The following TRPS1 variants were observed in gnomAD, a reference collection of about 807,000 sequenced individuals.
TRPS1 encodes zinc finger transcription factor Trps1.
A neutral mutation model predicts 101.2 loss-of-function variants in TRPS1; 6 were observed. That is an observed-to-expected ratio of 0.06 (90% CI 0.03 to 0.12). The LOEUF (loss-of-function observed/expected upper bound fraction) is 0.12. Among genes scored for constraint, TRPS1 ranks in the 10% least tolerant of loss-of-function variants. TRPS1 has a pLI of 1.00. For missense variants in TRPS1, 1,363 were observed against 1,567.0 expected, an observed-to-expected ratio of 0.87 and a Z score of 2.20; for synonymous variants, 578 against 589.8, an observed-to-expected ratio of 0.98 and a Z score of 0.29.
At chr8:115,568,780 T>C (rs1817133358) in intron 5 of TRPS1, among the ~76,000 whole-genome samples, 1 of 152,114 alleles carries the variant, frequency 6.6e-6, no homozygotes, top group Non-Finnish European at 1.5e-5. Context: ...CTAGCATGCA[T>C]CAATATCCTC....
chr8:115,603,971 T>A lies in TRPS1; in HGVS notation c.1998A>T (p.Gly666=). The A allele has an allele frequency of 1.2e-6, 2 of 1,613,992 alleles. No individual in the cohort carries two copies. The highest frequency in any genetic ancestry group is 1.7e-6 in the Non-Finnish European group (2 of 1,179,972). Residue 666 remains glycine, a synonymous_variant, in exon 4 of 7, where the codon GGA becomes GGT. Transcript: ENST00000395715. ...CCTTGACAGACTGCTGCCCATCCGATCCTTGCAGGTGATTTGCTTCTTGTT... is the reference window on the plus strand; with the variant it reads ...CCTTGACAGACTGCTGCCCATCCGAACCTTGCAGGTGATTTGCTTCTTGTT... ...DVKQEANHLQ[G]SDGQQSVKES... is the part of the protein sequence containing the mutation.
chr8:115,594,160 A>C (rs1327833397), intron 4 of TRPS1, among the ~76,000 whole-genome samples: 1 of 152,122 alleles, frequency 6.6e-6, no homozygotes, highest in African/African-American at 2.4e-5. Flanking sequence ...CCTATGAATA[A>C]ACCCTTCATT....
intron 5 of TRPS1, among the ~76,000 whole-genome samples, chr8:115,562,158 C>T (rs929163925): frequency 3.9e-5 from 6 of 152,022 alleles, no homozygotes; most frequent in Admixed American, 3.9e-4. Context: ...ACCCTCTTAA[C>T]AAACATTGTA....
intron 4 of TRPS1, among the ~76,000 whole-genome samples, chr8:115,589,918 A>G (rs1217997877): frequency 1.3e-5 from 2 of 152,152 alleles, no homozygotes; most frequent in Admixed American, 6.5e-5. Flanking sequence ...GAAGTTCGAG[A>G]CCAGCCTGAC....
intron 5 of TRPS1, among the ~76,000 whole-genome samples, chr8:115,428,979 A>C (rs189626361): frequency 6.6e-6 from 1 of 152,302 alleles, no homozygotes; most frequent in Admixed American, 6.5e-5. Flanking sequence ...TGAGCAGATA[A>C]TTTCATGATA....
At chr8:115,503,126 C>T (rs1184482671) in intron 5 of TRPS1, among the ~76,000 whole-genome samples, 3 of 151,706 alleles carry the variant, frequency 2.0e-5, no homozygotes, top group African/African-American at 2.4e-5. Context: ...TGGTGGCGGG[C>T]GCTTGTATTC....
At chr8:115,510,179 A>G (rs533222539) in intron 5 of TRPS1, among the ~76,000 whole-genome samples, 1 of 152,048 alleles carries the variant, frequency 6.6e-6, no homozygotes, top group African/African-American at 2.4e-5. Context: ...CTTAGGCTCA[A>G]TTCAATCGTA....
chr8:115,463,897 T>C (rs2129985173), intron 5 of TRPS1, among the ~76,000 whole-genome samples: 1 of 151,738 alleles, frequency 6.6e-6, no homozygotes, highest in East Asian at 1.9e-4. Flanking sequence ...TAATAAAATA[T>C]ATAATATAAA....
Position 115,418,680 on chromosome 8 carries a change from GA to G in TRPS1, c.2701-229del, listed in dbSNP as rs1229913485. ...TGTGGAACACCAAAGGCTTTTCACAGAAACAGCTTTAACTTTTTGAACTTTG... is the reference window on the plus strand; with the variant it reads ...TGTGGAACACCAAAGGCTTTTCACAGAACAGCTTTAACTTTTTGAACTTTG... On this transcript the variant is annotated intron_variant, in intron 5 of 6. Coordinates refer to ENST00000395715, the MANE Select transcript of TRPS1 (RefSeq NM_014112.5). This position sits in a 1 kb window ranked among gnomAD's most constrained non-coding sequence, Gnocchi z 4.3. Among the ~76,000 whole-genome samples the G allele has an allele frequency of 6.6e-6, 1 of 152,202 alleles. No individual in the cohort carries two copies. Among genetic ancestry groups the G allele is most frequent in the Non-Finnish European group, 1.5e-5 (1 of 68,036 alleles).
chr8:115,482,721 G>A lies in TRPS1; in HGVS notation c.2701-64269C>T, dbSNP rs141561755. 2.5e-3 allele frequency among the ~76,000 whole-genome samples: 379 copies of A among 152,270 alleles called. 1 individual carries two copies. The highest frequency in any genetic ancestry group is 8.8e-3 in the African/African-American group (367 of 41,568). On this transcript the variant is annotated intron_variant, in intron 5 of 6. Transcript: ENST00000395715. ...TCATCAAAGATCAAATCTAGAGAGT[G>A]TATGAAAATAGCTTCAGTTGACCAT...
At chr8:115,527,095 A>C (rs1375880746) in intron 5 of TRPS1, among the ~76,000 whole-genome samples, 1 of 152,146 alleles carries the variant, frequency 6.6e-6, no homozygotes, top group Non-Finnish European at 1.5e-5. Flanking sequence ...TCATAAAATA[A>C]AATTGTTATT....
intron 5 of TRPS1, among the ~76,000 whole-genome samples, chr8:115,573,078 C>G (rs1340549739): frequency 6.6e-6 from 1 of 151,536 alleles, no homozygotes; most frequent in African/African-American, 2.4e-5. Context: ...AAGCTGAGAT[C>G]ATGCCATTGT....
chr8:115,516,675 C>A lies in TRPS1; in HGVS notation c.2700+70326G>T, dbSNP rs139541502. Among the ~76,000 whole-genome samples the A allele has an allele frequency of 2.9e-4, 44 of 151,638 alleles. No individual in the cohort carries two copies. The East Asian group carries it at 7.4e-3, about 25-fold the overall frequency. Reference sequence around the variant, plus strand: ...CTTGTCATTTTCATACACATTTTGTCATTTGATACTCACAGCAAACTTAGA... The same window carrying A: ...CTTGTCATTTTCATACACATTTTGTAATTTGATACTCACAGCAAACTTAGA... On this transcript the variant is annotated intron_variant, in intron 5 of 6. Coordinates refer to ENST00000395715, the MANE Select transcript of TRPS1 (RefSeq NM_014112.5).
In TRPS1 at chr8:115,533,436, G is replaced by GTTTTTTTGTTTTT. The variant is rs1816188433; in HGVS notation, c.2700+53564_2700+53565insAAAAACAAAAAAA. ...GGGGCCCGCTTCCCACATGTAATCTGTTTTTTTTTTTTTTTTTTTTTTTCC... is the reference window on the plus strand; with the variant it reads ...GGGGCCCGCTTCCCACATGTAATCTGTTTTTTTGTTTTTTTTTTTTTTTTTTTTTTTTTTTTCC... On this transcript the variant is annotated intron_variant, in intron 5 of 6. Coordinates refer to ENST00000395715, the MANE Select transcript of TRPS1 (RefSeq NM_014112.5). Among the ~76,000 whole-genome samples the GTTTTTTTGTTTTT allele has an allele frequency of 1.4e-3, 49 of 34,984 alleles. 3 individuals are homozygous for GTTTTTTTGTTTTT. The highest frequency in any genetic ancestry group is 2.3e-3 in the Non-Finnish European group (43 of 18,798). The allele number at this position is 34,984 out of a possible 152,430, so 23.0% of individuals were successfully genotyped here. A position where few individuals can be genotyped will look rare whatever the true frequency, so the allele number is the denominator to read the frequency against.
intron 5 of TRPS1, among the ~76,000 whole-genome samples, chr8:115,556,432 T>G (rs1816822303): frequency 6.6e-6 from 1 of 152,130 alleles, no homozygotes; most frequent in Non-Finnish European, 1.5e-5. Flanking sequence ...GACCCTAGCT[T>G]TAAATCTCTC....
At chr8:115,464,984 C>T (rs949377424) in intron 5 of TRPS1, among the ~76,000 whole-genome samples, 3 of 152,040 alleles carry the variant, frequency 2.0e-5, no homozygotes, top group Non-Finnish European at 4.4e-5. Flanking sequence ...TCTGAAAATG[C>T]AAATGCTTCA....
chr8:115,511,780 T>TA (rs1815590395), intron 5 of TRPS1, among the ~76,000 whole-genome samples: 1 of 152,056 alleles, frequency 6.6e-6, no homozygotes, highest in Admixed American at 6.6e-5. Context: ...CTAGTCAAGT[T>TA]AAATAATAGG....
chr8:115,577,204 T>TA (rs1341748420), intron 5 of TRPS1, among the ~76,000 whole-genome samples: 2 of 152,144 alleles, frequency 1.3e-5, no homozygotes, highest in Non-Finnish European at 2.9e-5. Flanking sequence ...AGTCTTTTTT[T>TA]AAAAAAATAG....
At chr8:115,442,952 C>T (rs943335157) in intron 5 of TRPS1, among the ~76,000 whole-genome samples, 7 of 151,956 alleles carry the variant, frequency 4.6e-5, no homozygotes, top group South Asian at 2.1e-4. Flanking sequence ...AAAAATTAGC[C>T]GGACGTGGTG....
Sources: gnomAD v4.1 joint callset for allele counts (sites outside exome capture counted in the v4.1 genomes callset) on GRCh38, gnomAD v4.1.1 for gene constraint, Gnocchi (gnomAD v3.1) non-coding constraint, MANE v1.5 for transcripts, NCBI Gene and HGNC (gene_info 2026-07-23, HGNC 2026-07-21) for gene names.